Variants in KCNQ5 observed in about 807,000 individuals in gnomAD.
KCNQ5 encodes potassium voltage-gated channel subfamily KQT member 5.
A neutral mutation model predicts 98.2 loss-of-function variants in KCNQ5; 30 were observed. The observed-to-expected ratio is 0.31, with a 90% CI of 0.23 to 0.41. The LOEUF is 0.41. Ranked by LOEUF, KCNQ5 falls within the 10% of genes least tolerant of loss-of-function variation. The probability of loss-of-function intolerance (pLI) is 1.00; values close to 1 mark genes in which losing one functional copy is unlikely to be tolerated. For missense variants in KCNQ5, 835 were observed against 1,182.5 expected, an observed-to-expected ratio of 0.71 and a Z score of 4.31; for synonymous variants, 458 against 449.4, an observed-to-expected ratio of 1.02 and a Z score of -0.24.
At chr6:72,624,243 A>G (rs567593141) in intron 1 of KCNQ5, among the ~76,000 whole-genome samples, 2 of 152,354 alleles carry the variant, frequency 1.3e-5, no homozygotes, top group South Asian at 2.1e-4. Context: ...GTAATTAAAC[A>G]TATTACTTAA....
chr6:72,972,734 T>C (rs1935511), intron 1 of KCNQ5, among the ~76,000 whole-genome samples: 99,457 of 152,078 alleles, frequency 0.65, 36,131 homozygotes, highest in Non-Finnish European at 0.81. Flanking sequence ...AAGTGCCTAG[T>C]AGGTGTTCAA....
chr6:72,870,886 T>C (rs1778177052), intron 1 of KCNQ5, among the ~76,000 whole-genome samples: 1 of 152,206 alleles, frequency 6.6e-6, no homozygotes, highest in Non-Finnish European at 1.5e-5. Flanking sequence ...AAGTCAAATA[T>C]TCACTAGAAG....
chr6:72,709,037 C>A (rs1452684080), intron 1 of KCNQ5, among the ~76,000 whole-genome samples: 1 of 152,050 alleles, frequency 6.6e-6, no homozygotes, highest in African/African-American at 2.4e-5. Context: ...CCAAAATAAT[C>A]TAAATATAAT....
At chr6:72,792,363 G>A (rs1361897717) in intron 1 of KCNQ5, among the ~76,000 whole-genome samples, 1 of 151,898 alleles carries the variant, frequency 6.6e-6, no homozygotes, top group Admixed American at 6.6e-5. Flanking sequence ...CTTGCCCTTC[G>A]AAGCACAATA....
chr6:72,625,380 A>T (rs6453591), intron 1 of KCNQ5, among the ~76,000 whole-genome samples: 25,900 of 152,108 alleles, frequency 0.17, 2,556 homozygotes, highest in Middle Eastern at 0.25. Context: ...ATTCTTTAGG[A>T]TTTACCTGAC....
At chr6:72,681,075 GTTAC>G (rs1208335187) in intron 1 of KCNQ5, among the ~76,000 whole-genome samples, 1 of 152,208 alleles carries the variant, frequency 6.6e-6, no homozygotes, top group African/African-American at 2.4e-5. Context: ...TGCTTCTCCT[GTTAC>G]TTACTTCTGT....
chr6:72,689,145 C>A (rs1230029056), intron 1 of KCNQ5, among the ~76,000 whole-genome samples: 3 of 152,146 alleles, frequency 2.0e-5, no homozygotes, highest in African/African-American at 7.2e-5. Flanking sequence ...CCAGATATAA[C>A]CCTTTGGAGT....
At chr6:73,105,193 G>T (rs1774952628) in intron 5 of KCNQ5, 64 bp from the exon 6 acceptor site, 1 of 863,710 alleles carries the variant, frequency 1.2e-6, no homozygotes, top group African/African-American at 1.7e-5. Context: ...CTTGCCTCCT[G>T]TTCATAGGTC....
At chr6:73,037,726 G>A (rs1052165337) in intron 2 of KCNQ5, among the ~76,000 whole-genome samples, 14 of 152,058 alleles carry the variant, frequency 9.2e-5, no homozygotes, top group Middle Eastern at 6.3e-3. Flanking sequence ...ATGTCTGTAT[G>A]TTCCATATGT....
At chr6:72,995,420 T>C (rs1466783765) in intron 1 of KCNQ5, among the ~76,000 whole-genome samples, 2 of 146,182 alleles carry the variant, frequency 1.4e-5, no homozygotes, top group Non-Finnish European at 1.5e-5. Context: ...GAAAATAACA[T>C]AAGTTCATCA....
chr6:73,194,939 A>G lies in KCNQ5; in HGVS notation c.2324A>G (p.Glu775Gly). 1 of 1,614,178 alleles carries G rather than the reference A, an allele frequency of 6.2e-7. No homozygotes were observed. Among genetic ancestry groups the G allele is most frequent in the Middle Eastern group, 1.6e-4 (1 of 6,062 alleles). The change falls in exon 14 of 14, where the codon GAA becomes GGA. Residue 775 changes from glutamate (E) to glycine (G), a missense_variant. This residue lies in a region of KCNQ5 where 416 missense variants were observed against 446.9 expected (regional missense o/e 0.93). Transcript: ENST00000370398. ...CACCCTAACCCTGCAGGCTTACAGG[A>G]AAGCATTTCTGACGTCACCACCTGC... ...TLHPNPAGLQ[E>G]SISDVTTCLV...
At chr6:72,987,564 C>T (rs1768847886) in intron 1 of KCNQ5, 2 of 631,480 alleles carry the variant, frequency 3.2e-6, no homozygotes, top group African/African-American at 3.7e-5. Context: ...CAAGGTCCAA[C>T]ATAGCCCTCA....
At chr6:72,791,969 C>T (rs1013417473) in intron 1 of KCNQ5, among the ~76,000 whole-genome samples, 5 of 152,148 alleles carry the variant, frequency 3.3e-5, no homozygotes, top group African/African-American at 1.2e-4. Context: ...AACACATGAA[C>T]TTTGGGGGAC....
At position 72,622,694 on chromosome 6, in the gene KCNQ5, G is replaced by A; in HGVS notation, c.398+107G>A. 2 of 1,244,222 alleles carry A rather than the reference G, an allele frequency of 1.6e-6. No individual in the cohort carries two copies. The highest frequency in any genetic ancestry group is 2.2e-6 in the Non-Finnish European group (2 of 894,256). The allele number at this position is 1,244,222 out of a possible 1,614,324, so 77.1% of individuals were successfully genotyped here. On this transcript the variant is annotated intron_variant, in intron 1 of 13. Coordinates refer to ENST00000370398, the MANE Select transcript of KCNQ5 (RefSeq NM_019842.4). The surrounding 1 kb of genome is among the most constrained non-coding windows in gnomAD (Gnocchi z 6.0). The stretch of plus-strand genomic sequence containing the variant: ...CTTGGGCCCCCGCGCGCGTGCACAC[G>A]TGGTGGCTTTTATTTCTTCGCACGT...
intron 1 of KCNQ5, among the ~76,000 whole-genome samples, chr6:72,840,862 C>T (rs1402488125): frequency 6.6e-6 from 1 of 152,194 alleles, no homozygotes; most frequent in South Asian, 2.1e-4. Context: ...GGCACCAGCA[C>T]ACACAGTTAT....
At chr6:72,870,555 G>A (rs1434560943) in intron 1 of KCNQ5, among the ~76,000 whole-genome samples, 2 of 152,030 alleles carry the variant, frequency 1.3e-5, no homozygotes, top group Middle Eastern at 3.2e-3. Context: ...CCAGCCGGGT[G>A]GCATATTTTA....
intron 1 of KCNQ5, among the ~76,000 whole-genome samples, chr6:72,798,092 G>A (rs1329213987): frequency 6.6e-6 from 1 of 152,156 alleles, no homozygotes; most frequent in African/African-American, 2.4e-5. Context: ...GAACTGGGGT[G>A]TAAATCCTCT....
chr6:73,116,812 CT>C (rs1775518206), intron 7 of KCNQ5, among the ~76,000 whole-genome samples: 1 of 152,152 alleles, frequency 6.6e-6, no homozygotes, highest in South Asian at 2.1e-4. Context: ...TAGCCTAAAA[CT>C]TTCAGGACTT....
intron 7 of KCNQ5, among the ~76,000 whole-genome samples, chr6:73,113,418 A>G (rs533841728): frequency 2.0e-5 from 3 of 152,358 alleles, no homozygotes; most frequent in African/African-American, 7.2e-5. Context: ...TCTCATGCAC[A>G]TATCAATTGT....
Sources: gnomAD v4.1 joint callset for allele counts (sites outside exome capture counted in the v4.1 genomes callset) on GRCh38, gnomAD v4.1.1 for gene constraint, gnomAD v4.1.1 regional missense constraint, Gnocchi (gnomAD v3.1) non-coding constraint, MANE v1.5 for transcripts, NCBI Gene and HGNC (gene_info 2026-07-23, HGNC 2026-07-21) for gene names.